The following PITPNM2 variants were observed in gnomAD, a reference collection of about 807,000 sequenced individuals.
PITPNM2 encodes the protein membrane-associated phosphatidylinositol transfer protein 2.
PITPNM2 carries 35 observed loss-of-function variants against 132.2 expected under a neutral mutation model. The ratio of observed to expected loss-of-function variants is 0.26; its 90% CI spans 0.20 to 0.35. The LOEUF (loss-of-function observed/expected upper bound fraction) is 0.35. Ranked by LOEUF, PITPNM2 falls within the 10% of genes least tolerant of loss-of-function variation. PITPNM2 has a pLI of 1.00. For missense variants in PITPNM2, 1,332 were observed against 1,912.0 expected, an observed-to-expected ratio of 0.70 and a Z score of 5.66; for synonymous variants, 738 against 799.2, an observed-to-expected ratio of 0.92 and a Z score of 1.29.
At position 122,988,358 on chromosome 12, in the gene PITPNM2, G is replaced by A; in HGVS notation, c.2881-8C>T. Reference sequence around the variant, plus strand: ...GTTGTCATGCCTCATGACCTGGGAAGAGGGGACAGTGCAGGCTGTGGGGCA... The same window carrying A: ...GTTGTCATGCCTCATGACCTGGGAAAAGGGGACAGTGCAGGCTGTGGGGCA... On this transcript the variant is annotated splice_polypyrimidine_tract_variant and splice_region_variant and intron_variant, in intron 19 of 25. Transcript: ENST00000320201. 6.2e-7 allele frequency: 1 copy of A among 1,612,030 alleles called. No homozygotes were observed. Among genetic ancestry groups the A allele is most frequent in the African/African-American group, 1.3e-5 (1 of 75,026 alleles).
Position 123,117,607 on chromosome 12 carries a change from G to T in PITPNM2, c.-199-7119C>A, listed in dbSNP as rs1419271074. On this transcript the variant is annotated intron_variant, in intron 1 of 25. Transcript: ENST00000320201. This position sits in a 1 kb window ranked among gnomAD's most constrained non-coding sequence, Gnocchi z 4.7. ...TATGATTTGGACAGAAGGGAATACT[G>T]ACCTGTAATCCAAAGCCCTGCATCA... is the stretch of plus-strand genomic sequence containing the variant. Among the ~76,000 whole-genome samples the T allele has an allele frequency of 6.6e-6, 1 of 152,170 alleles. No individual in the cohort carries two copies.
At chr12:123,143,666 C>T (rs1465632529) in intron 1 of PITPNM2, among the ~76,000 whole-genome samples, 2 of 152,150 alleles carry the variant, frequency 1.3e-5, no homozygotes, top group Non-Finnish European at 2.9e-5. Flanking sequence ...TAAGAAAGGC[C>T]AAGTCTATTG....
At chr12:123,010,132 C>A in intron 5 of PITPNM2, 55 bp from the exon 6 acceptor site, 1 of 1,415,668 alleles carries the variant, frequency 7.1e-7, no homozygotes, top group Non-Finnish European at 9.9e-7. Flanking sequence ...CCCCCACCCA[C>A]ATCTCTCCAT....
Position 122,992,760 on chromosome 12 carries a change from C to T in PITPNM2, c.2234-91G>A. On this transcript the variant is annotated intron_variant, in intron 15 of 25. Transcript: ENST00000320201. The surrounding 1 kb of genome is among the most constrained non-coding windows in gnomAD (Gnocchi z 6.5). ...ATTTGGGAACTGGGCACTGGGTTGT[C>T]TGCTGAAAGTTAGGGATAAGATGGG... 4 of 1,039,736 alleles carry T rather than the reference C, an allele frequency of 3.8e-6. No individual in the cohort carries two copies. The highest frequency in any genetic ancestry group is 5.6e-6 in the Non-Finnish European group (4 of 717,044). The allele number at this position is 1,039,736 out of a possible 1,614,324, so 64.4% of individuals were successfully genotyped here.
chr12:123,135,620 G>A (rs1333683960), intron 1 of PITPNM2, among the ~76,000 whole-genome samples: 4 of 152,164 alleles, frequency 2.6e-5, no homozygotes, highest in East Asian at 1.9e-4. Flanking sequence ...CAGTATTTGC[G>A]TTTCTGTGAC....
chr12:123,127,800 G>A (rs772317769), intron 1 of PITPNM2, among the ~76,000 whole-genome samples: 5 of 151,904 alleles, frequency 3.3e-5, no homozygotes, highest in Non-Finnish European at 5.9e-5. Context: ...TAGTAGAGAC[G>A]GGGTTTCACC....
rs143901626 is a variant in PITPNM2, at chr12:122,986,553, G to T, written c.3609C>A (p.Arg1203=). The T allele has an allele frequency of 1.9e-6, 3 of 1,597,430 alleles. No individual in the cohort carries two copies. Among genetic ancestry groups the T allele is most frequent in the African/African-American group, 2.7e-5 (2 of 74,820 alleles). ...LKLLISELHL[R]VHAAYGSTKD... ...TGGTGGAGCCATAGGCCGCGTGCAC[G>T]CGCAGGTGCAGCTGTGGGGAGACTG... Residue 1203 remains arginine, a synonymous_variant, in exon 25 of 26, where the codon CGC becomes CGA. Transcript: ENST00000320201.
chr12:123,014,179 C>T (rs1269578423), intron 3 of PITPNM2, 137 bp from the exon 4 acceptor site: 2 of 844,212 alleles, frequency 2.4e-6, no homozygotes, highest in Non-Finnish European at 3.7e-6. Context: ...TCCTGTGTCA[C>T]TTCCAGGCCC....
rs1197300536 is a variant in PITPNM2, at chr12:123,000,929, G to A, written c.1154-81C>T. 6.4e-7 allele frequency: 1 copy of A among 1,559,788 alleles called. No individual in the cohort carries two copies. Among genetic ancestry groups the A allele is most frequent in the Non-Finnish European group, 8.8e-7 (1 of 1,132,090 alleles). On this transcript the variant is annotated intron_variant, in intron 9 of 25. Transcript: ENST00000320201. This position sits in a 1 kb window ranked among gnomAD's most constrained non-coding sequence, Gnocchi z 5.4. ...CGGACAGAGGCTGCAACTGTGACGA[G>A]GGGAGCTTGGGGGTCCCCAACTCAC...
chr12:123,125,841 C>T (rs1403650910), intron 1 of PITPNM2, among the ~76,000 whole-genome samples: 1 of 51,612 alleles, frequency 1.9e-5, no homozygotes, highest in Non-Finnish European at 3.3e-5. Flanking sequence ...GACTCTGTCT[C>T]AAAAAAAAAA....
chr12:123,048,623 A>T (rs945444047), intron 2 of PITPNM2, among the ~76,000 whole-genome samples: 2 of 150,850 alleles, frequency 1.3e-5, no homozygotes, highest in Non-Finnish European at 3.0e-5. Flanking sequence ...CTTGTTAGCC[A>T]GGATGGTCTC....
chr12:123,118,297 C>T (rs925260988), intron 1 of PITPNM2, among the ~76,000 whole-genome samples: 12 of 152,146 alleles, frequency 7.9e-5, no homozygotes, highest in Non-Finnish European at 1.3e-4. Context: ...CTGTACTCTG[C>T]GATCATGATG....
Position 123,031,618 on chromosome 12 carries a change from C to T in PITPNM2, c.78+2895G>A, listed in dbSNP as rs1031872956. Among the ~76,000 whole-genome samples the T allele has an allele frequency of 6.6e-6, 1 of 152,108 alleles. No homozygotes were observed. Among genetic ancestry groups the T allele is most frequent in the African/African-American group, 2.4e-5 (1 of 41,418 alleles). On this transcript the variant is annotated intron_variant, in intron 3 of 25. Coordinates refer to ENST00000320201, the MANE Select transcript of PITPNM2 (RefSeq NM_020845.3). This position sits in a 1 kb window ranked among gnomAD's most constrained non-coding sequence, Gnocchi z 4.5. ...CCTGTGATGTGCAGCAGACCCCCTG[C>T]CCATCACCAAGCTGTCTATCCGACA... is the stretch of plus-strand genomic sequence containing the variant.
In PITPNM2 at chr12:123,012,687, A is replaced by G; in HGVS notation, c.341T>C (p.Phe114Ser). 1 of 1,613,982 alleles carries G rather than the reference A, an allele frequency of 6.2e-7. No homozygotes were observed. Among genetic ancestry groups the G allele is most frequent in the Non-Finnish European group, 8.5e-7 (1 of 1,179,982 alleles). Residue 114 changes from phenylalanine (F) to serine (S), a missense_variant, in exon 5 of 26, where the codon TTT (phenylalanine) becomes TCT (serine). By Grantham distance (155) the Phe-to-Ser change is radical. This residue lies in a region of PITPNM2 where 122 missense variants were observed against 209.6 expected (regional missense o/e 0.58). Coordinates refer to ENST00000320201, the MANE Select transcript of PITPNM2 (RefSeq NM_020845.3). ...VEKFSIDIET[F>S]YKTDAGENPD... ...GTTTTCTCCAGCATCAGTTTTATAA[A>G]AGGTTTCAATGTCGATGGAGAATTT...
At chr12:123,057,796 G>A (rs2041088334) in intron 2 of PITPNM2, among the ~76,000 whole-genome samples, 2 of 152,224 alleles carry the variant, frequency 1.3e-5, no homozygotes, top group African/African-American at 2.4e-5. Context: ...GGGAAAGAAG[G>A]AGGGGGAAAG....
chr12:123,117,813 G>T lies in PITPNM2; in HGVS notation c.-199-7325C>A, dbSNP rs1244095786. 6.6e-6 allele frequency among the ~76,000 whole-genome samples: 1 copy of T among 152,188 alleles called. No individual in the cohort carries two copies. Among genetic ancestry groups the T allele is most frequent in the Non-Finnish European group, 1.5e-5 (1 of 68,032 alleles). ...CCAATTTCCTCTCCCTAAATCATAT[G>T]TTTAGCCCCCTGGACTCTAGGTGAG... On this transcript the variant is annotated intron_variant, in intron 1 of 25. Transcript: ENST00000320201. This position sits in a 1 kb window ranked among gnomAD's most constrained non-coding sequence, Gnocchi z 4.7.
chr12:123,056,114 T>C lies in PITPNM2; in HGVS notation c.-95-21429A>G, dbSNP rs965209646. Among the ~76,000 whole-genome samples, 6 of 152,176 alleles carry C rather than the reference T, an allele frequency of 3.9e-5. No individual in the cohort carries two copies. The East Asian group carries it at 1.2e-3, about 29-fold the overall frequency. On this transcript the variant is annotated intron_variant, in intron 2 of 25. Transcript: ENST00000320201. ...CAGTTGGGCTTCCTTGAGTTCACTC[T>C]TAGGAGCCCTGCAGCTTGAGTTCCA...
Position 123,000,724 on chromosome 12 carries a change from C to A in PITPNM2, c.1224+54G>T. 1 of 1,578,982 alleles carries A rather than the reference C, an allele frequency of 6.3e-7. No homozygotes were observed. The highest frequency in any genetic ancestry group is 8.7e-7 in the Non-Finnish European group (1 of 1,152,602). Reference sequence around the variant, plus strand: ...AACCCCTCAGACTATTCCTCTGCACCCTGCCCCTCCCTTGGCGGCCATGCC... The same window carrying A: ...AACCCCTCAGACTATTCCTCTGCACACTGCCCCTCCCTTGGCGGCCATGCC... On this transcript the variant is annotated intron_variant, in intron 10 of 25. Transcript: ENST00000320201. This position sits in a 1 kb window ranked among gnomAD's most constrained non-coding sequence, Gnocchi z 5.4.
chr12:122,993,072 C>T lies in PITPNM2; in HGVS notation c.2234-403G>A, dbSNP rs1053133438. Among the ~76,000 whole-genome samples, 9 of 152,180 alleles carry T rather than the reference C, an allele frequency of 5.9e-5. No individual in the cohort carries two copies. The highest frequency in any genetic ancestry group is 2.2e-4 in the African/African-American group (9 of 41,432). On this transcript the variant is annotated intron_variant, in intron 15 of 25. Transcript: ENST00000320201. This position sits in a 1 kb window ranked among gnomAD's most constrained non-coding sequence, Gnocchi z 5.2. ...AAACTCCTGGACTCAAGTGATCCTC[C>T]CACCTGGGCCTCCCAAAGTGCTGGG...
Sources: allele counts gnomAD v4.1 joint callset (sites outside exome capture counted in the v4.1 genomes callset), GRCh38; gene constraint gnomAD v4.1.1; regional missense constraint gnomAD v4.1.1; non-coding constraint Gnocchi (gnomAD v3.1); transcripts MANE v1.5; gene names NCBI Gene and HGNC (gene_info 2026-07-23, HGNC 2026-07-21).